GRB2: variants seen among roughly 807,000 people sequenced by gnomAD.
GRB2 encodes the protein growth factor receptor-bound protein 2.
GRB2 carries 2 observed loss-of-function variants against 27.4 expected under a neutral mutation model. The observed-to-expected ratio is 0.07, with a 90% CI of 0.03 to 0.23. GRB2 has a LOEUF of 0.23. GRB2 is among the 10% of genes least tolerant of loss of function. The probability of loss-of-function intolerance (pLI) is 1.00; values close to 1 mark genes in which losing one functional copy is unlikely to be tolerated. For missense variants in GRB2, 102 were observed against 282.4 expected, an observed-to-expected ratio of 0.36 and a Z score of 4.58; for synonymous variants, 94 against 99.6, an observed-to-expected ratio of 0.94 and a Z score of 0.33.
chr17:75,395,514 A>C (rs2079023942), intron 1 of GRB2, among the ~76,000 whole-genome samples: 2 of 152,226 alleles, frequency 1.3e-5, no homozygotes, highest in African/African-American at 2.4e-5. Context: ...AGAGTATTAA[A>C]AGGCTTATGA....
chr17:75,400,474 A>G (rs1039410848), intron 1 of GRB2, among the ~76,000 whole-genome samples: 2 of 151,816 alleles, frequency 1.3e-5, no homozygotes, highest in African/African-American at 4.8e-5. Flanking sequence ...ACCCAGCCTC[A>G]TGCTCCTTTT....
intron 1 of GRB2, among the ~76,000 whole-genome samples, chr17:75,401,766 A>C (rs1298439706): frequency 6.6e-6 from 1 of 152,252 alleles, no homozygotes; most frequent in Non-Finnish European, 1.5e-5. Flanking sequence ...CATTTTGATA[A>C]TTAAAAGAGA....
chr17:75,401,025 T>C (rs982468764), intron 1 of GRB2, among the ~76,000 whole-genome samples: 1 of 151,572 alleles, frequency 6.6e-6, no homozygotes, highest in African/African-American at 2.4e-5. Context: ...TGCAGTGGTA[T>C]GATCTCTGCT....
chr17:75,352,634 A>G (rs1007173063), intron 2 of GRB2, among the ~76,000 whole-genome samples: 1 of 152,186 alleles, frequency 6.6e-6, no homozygotes, highest in Non-Finnish European at 1.5e-5. Flanking sequence ...GCGATCAGAC[A>G]TATTATGTGA....
intron 2 of GRB2, among the ~76,000 whole-genome samples, chr17:75,379,690 G>GTAATCT (rs2078915577): frequency 2.6e-5 from 4 of 152,096 alleles, no homozygotes; most frequent in Admixed American, 6.6e-5. Flanking sequence ...CACCACACCT[G>GTAATCT]GTCACTTGAT....
At chr17:75,347,904 A>G (rs919523574) in intron 2 of GRB2, among the ~76,000 whole-genome samples, 5 of 152,194 alleles carry the variant, frequency 3.3e-5, no homozygotes, top group African/African-American at 1.2e-4. Flanking sequence ...AATCAGTTGT[A>G]TATGTCTTTT....
intron 2 of GRB2, among the ~76,000 whole-genome samples, chr17:75,360,368 C>T (rs1347279968): frequency 6.6e-6 from 1 of 152,066 alleles, no homozygotes; most frequent in East Asian, 1.9e-4. Flanking sequence ...AATTTTAAGC[C>T]CTTCACACAC....
chr17:75,321,608 A>C, intron 5 of GRB2, 51 bp downstream of exon 5: 1 of 1,551,884 alleles, frequency 6.4e-7, no homozygotes. Flanking sequence ...ATGCACACTG[A>C]GGAGCTATTC....
intron 2 of GRB2, among the ~76,000 whole-genome samples, chr17:75,364,665 T>C (rs2078808288): frequency 6.6e-6 from 1 of 152,104 alleles, no homozygotes; most frequent in Non-Finnish European, 1.5e-5. Context: ...CGTCCTGTAA[T>C]CAGTCATCTG....
intron 2 of GRB2, among the ~76,000 whole-genome samples, chr17:75,347,160 G>C (rs1317932510): frequency 6.6e-6 from 1 of 152,112 alleles, no homozygotes; most frequent in Non-Finnish European, 1.5e-5. Context: ...TATCCCTGTG[G>C]TTTCTAGAGA....
At chr17:75,370,770 G>A (rs747598473) in intron 2 of GRB2, among the ~76,000 whole-genome samples, 11 of 152,170 alleles carry the variant, frequency 7.2e-5, no homozygotes, top group Admixed American at 2.0e-4. Context: ...AAATTAGAAC[G>A]AATCTTCACA....
intron 1 of GRB2, among the ~76,000 whole-genome samples, chr17:75,397,090 T>G (rs1297482657): frequency 6.6e-6 from 1 of 152,192 alleles, no homozygotes; most frequent in Non-Finnish European, 1.5e-5. Flanking sequence ...TAACTATTGC[T>G]TTGTGAGATG....
intron 2 of GRB2, among the ~76,000 whole-genome samples, chr17:75,380,736 TA>T (rs1260484593): frequency 6.6e-6 from 1 of 152,112 alleles, no homozygotes; most frequent in Non-Finnish European, 1.5e-5. Context: ...GACAAAGCTA[TA>T]AAAAAAGGAA....
intron 1 of GRB2, among the ~76,000 whole-genome samples, chr17:75,403,712 C>T (rs966845411): frequency 2.6e-5 from 4 of 151,902 alleles, no homozygotes; most frequent in Non-Finnish European, 4.4e-5. Context: ...TGCAGTGAGC[C>T]GAGATCGCAC....
At chr17:75,382,464 A>G (rs1319186710) in intron 2 of GRB2, among the ~76,000 whole-genome samples, 2 of 152,216 alleles carry the variant, frequency 1.3e-5, no homozygotes, top group Non-Finnish European at 2.9e-5. Flanking sequence ...ATATAGGTTC[A>G]GCATCCCTAA....
chr17:75,341,124 C>T (rs1000964104), intron 2 of GRB2, among the ~76,000 whole-genome samples: 1 of 152,056 alleles, frequency 6.6e-6, no homozygotes, highest in Non-Finnish European at 1.5e-5. Context: ...AAATGAAATG[C>T]ATTTATGAAG....
chr17:75,326,225 A>C (rs2078497697), intron 3 of GRB2: 2 of 582,190 alleles, frequency 3.4e-6, no homozygotes, highest in African/African-American at 3.7e-5. Context: ...TCCATTTCCC[A>C]GAAAGCGACT....
Position 75,325,974 on chromosome 17 carries a change from T to G in GRB2, c.223A>C (p.Ser75Arg). The part of the protein sequence containing the change: ...IPRAKAEEML[S>R]KQRHDGAFLI... The stretch of plus-strand genomic sequence containing the variant: ...AAGGCCCCATCGTGCCGCTGTTTGC[T>G]AAGCATTTCTTCTGCCTTGGCTCTG... Residue 75 changes from serine (S) to arginine (R), a missense_variant, in exon 4 of 6, where the codon AGC (serine) becomes CGC (arginine). Physicochemically the swap from Ser to Arg is moderately radical, Grantham distance 110 (BLOSUM62 -1). Around this residue, in one of 3 missense-constraint regions of GRB2, gnomAD observed 45 missense variants for 110.6 expected, o/e 0.41. Coordinates refer to ENST00000316804, the MANE Select transcript of GRB2 (RefSeq NM_002086.5). The G allele has an allele frequency of 1.2e-6, 2 of 1,614,132 alleles. No homozygotes were observed. The highest frequency in any genetic ancestry group is 2.2e-5 in the South Asian group (2 of 91,088).
At chr17:75,369,565 T>A (rs1029753722) in intron 2 of GRB2, among the ~76,000 whole-genome samples, 2 of 151,810 alleles carry the variant, frequency 1.3e-5, no homozygotes, top group Non-Finnish European at 2.9e-5. Context: ...GGTTAAAAAC[T>A]GTTTCTGGGC....
Sources: allele counts gnomAD v4.1 joint callset (sites outside exome capture counted in the v4.1 genomes callset), GRCh38; gene constraint gnomAD v4.1.1; regional missense constraint gnomAD v4.1.1; transcripts MANE v1.5; gene names NCBI Gene and HGNC (gene_info 2026-07-23, HGNC 2026-07-21).